Variants in CEP112 observed in about 807,000 individuals in gnomAD.
CEP112 encodes the protein centrosomal protein 112.
In CEP112, 127 loss-of-function variants were observed where a neutral mutation model predicts 153.0. The observed-to-expected ratio is 0.83, with a 90% confidence interval of 0.72 to 0.96. The LOEUF is 0.96. Ranked by LOEUF, CEP112 falls within the 40% of genes least tolerant of loss-of-function variation. The pLI is 0.00. For synonymous variants in CEP112, 358 were observed against 374.4 expected, an observed-to-expected ratio of 0.96 and a Z score of 0.51; for missense variants, 1,089 against 1,101.2, an observed-to-expected ratio of 0.99 and a Z score of 0.16.
chr17:65,852,098 A>T, intron 20 of CEP112, 64 bp from the exon 21 acceptor site: 2 of 1,109,096 alleles, frequency 1.8e-6, no homozygotes, highest in South Asian at 3.0e-5. Context: ...AAGAAGAACC[A>T]ATGGGCAAAA....
At chr17:65,960,706 T>C (rs764488794) in intron 18 of CEP112, among the ~76,000 whole-genome samples, 9 of 152,336 alleles carry the variant, frequency 5.9e-5, no homozygotes, top group South Asian at 4.1e-4. Context: ...TTTTGGAGCA[T>C]TGTCAAATTT....
intron 3 of CEP112, chr17:66,176,518 C>A (rs574094817): frequency 1.6e-5 from 3 of 189,972 alleles, no homozygotes; most frequent in African/African-American, 4.7e-5. Context: ...TACTGAATTA[C>A]GTAAAAATTA....
chr17:65,783,439 A>G (rs2054108926), intron 21 of CEP112, among the ~76,000 whole-genome samples: 1 of 152,238 alleles, frequency 6.6e-6, no homozygotes, highest in Non-Finnish European at 1.5e-5. Context: ...CCACCCAGGT[A>G]AATACTCCAA....
At chr17:65,771,149 C>T (rs939059677) in intron 21 of CEP112, among the ~76,000 whole-genome samples, 3 of 151,926 alleles carry the variant, frequency 2.0e-5, no homozygotes, top group African/African-American at 7.2e-5. Flanking sequence ...GCTTAAAAAT[C>T]TTTTAAAAAA....
chr17:65,785,525 T>C (rs2054234369), intron 21 of CEP112, among the ~76,000 whole-genome samples: 1 of 152,240 alleles, frequency 6.6e-6, no homozygotes, highest in African/African-American at 2.4e-5. Context: ...TGAAGTGGTA[T>C]CTCATTGTTG....
intron 20 of CEP112, among the ~76,000 whole-genome samples, chr17:65,883,238 A>G (rs1298992227): frequency 2.0e-5 from 3 of 151,472 alleles, no homozygotes; most frequent in African/African-American, 7.3e-5. Flanking sequence ...CATACAAGGT[A>G]TTGCAGCTCA....
chr17:66,009,173 T>A (rs10853068), intron 16 of CEP112, among the ~76,000 whole-genome samples: 140,724 of 151,622 alleles, frequency 0.93, 65,432 homozygotes, highest in East Asian at 0.97. Context: ...CATCCTGGCC[T>A]ACACTTGTTA....
chr17:65,976,658 T>C (rs916617984), intron 17 of CEP112, among the ~76,000 whole-genome samples: 1 of 152,012 alleles, frequency 6.6e-6, no homozygotes, highest in Non-Finnish European at 1.5e-5. Context: ...AAAAGATCTT[T>C]TTAAAAAAAT....
chr17:65,699,104 TATG>T (rs1266251306), intron 23 of CEP112, among the ~76,000 whole-genome samples: 1 of 152,254 alleles, frequency 6.6e-6, no homozygotes, highest in African/African-American at 2.4e-5. Flanking sequence ...ATATTCCCTA[TATG>T]ATAACATATT....
At chr17:65,706,277 G>T (rs937982933) in intron 23 of CEP112, among the ~76,000 whole-genome samples, 9 of 152,210 alleles carry the variant, frequency 5.9e-5, no homozygotes, top group Non-Finnish European at 5.9e-5. Context: ...GTGGAAAGGG[G>T]AAAGAATTGT....
At chr17:65,817,742 C>T (rs540134774) in intron 21 of CEP112, among the ~76,000 whole-genome samples, 32 of 151,884 alleles carry the variant, frequency 2.1e-4, no homozygotes, top group Admixed American at 6.6e-4. Flanking sequence ...AAAGATGGTA[C>T]AGAGCAGTTA....
At chr17:66,036,728 C>A (rs1158013736) in intron 12 of CEP112, among the ~76,000 whole-genome samples, 1 of 152,186 alleles carries the variant, frequency 6.6e-6, no homozygotes, top group African/African-American at 2.4e-5. Flanking sequence ...CTCCTTGAAT[C>A]AAAACCTATT....
intron 1 of CEP112, among the ~76,000 whole-genome samples, chr17:66,187,137 G>A (rs951620875): frequency 5.9e-5 from 9 of 151,992 alleles, no homozygotes; most frequent in Non-Finnish European, 1.3e-4. Flanking sequence ...ATAGAGGCCT[G>A]CCCACCACTT....
At chr17:65,976,045 C>G (rs534031337) in intron 17 of CEP112, among the ~76,000 whole-genome samples, 6 of 152,350 alleles carry the variant, frequency 3.9e-5, no homozygotes, top group Admixed American at 1.3e-4. Flanking sequence ...GCGCTTTCAA[C>G]GAGAACTGCT....
chr17:65,988,915 T>C (rs1365047831), intron 17 of CEP112, among the ~76,000 whole-genome samples: 1 of 151,750 alleles, frequency 6.6e-6, no homozygotes, highest in Non-Finnish European at 1.5e-5. Flanking sequence ...AATGTCCAGG[T>C]ACAAGAAGGT....
chr17:66,028,278 A>G (rs755725537), intron 15 of CEP112, 35 bp downstream of exon 15: 2 of 1,267,304 alleles, frequency 1.6e-6, no homozygotes, highest in South Asian at 2.6e-5. Flanking sequence ...ACTGTGTTTG[A>G]CCATTGTTCT....
intron 6 of CEP112, among the ~76,000 whole-genome samples, chr17:66,124,350 T>G (rs2069739878): frequency 6.6e-6 from 1 of 152,164 alleles, no homozygotes; most frequent in Admixed American, 6.5e-5. Flanking sequence ...TATTGTACAG[T>G]TCCAGGTGAC....
intron 21 of CEP112, among the ~76,000 whole-genome samples, chr17:65,837,565 G>A (rs368320393): frequency 2.0e-4 from 30 of 152,084 alleles, no homozygotes; most frequent in East Asian, 9.7e-4. Context: ...CCCTCTGCCC[G>A]GCTGCCGCCC....
intron 8 of CEP112, among the ~76,000 whole-genome samples, chr17:66,076,772 C>T (rs2067515712): frequency 6.6e-6 from 1 of 152,172 alleles, no homozygotes; most frequent in Non-Finnish European, 1.5e-5. Flanking sequence ...GAACTGTAAA[C>T]CACTAAAGCT....
Sources: gnomAD v4.1 joint callset for allele counts (sites outside exome capture counted in the v4.1 genomes callset) on GRCh38, gnomAD v4.1.1 for gene constraint, MANE v1.5 for transcripts, NCBI Gene and HGNC (gene_info 2026-07-23, HGNC 2026-07-21) for gene names.